Variants in ATP10A observed in about 807,000 individuals in gnomAD.
ATP10A encodes phospholipid-transporting ATPase VA.
ATP10A carries 111 observed loss-of-function variants against 147.8 expected under a neutral mutation model. The ratio of observed to expected loss-of-function variants is 0.75; its 90% CI spans 0.64 to 0.88. The LOEUF (loss-of-function observed/expected upper bound fraction) is 0.88, where lower values mean the gene tolerates loss of function less well. ATP10A is among the 40% of genes least tolerant of loss of function. The probability of loss-of-function intolerance (pLI) is 0.00; values close to 1 mark genes in which losing one functional copy is unlikely to be tolerated. For missense variants in ATP10A, 1,927 were observed against 1,959.0 expected (o/e 0.98, Z 0.31); for synonymous variants, 875 against 841.6 (o/e 1.04, Z -0.69).
rs78610962 is a variant in ATP10A at position 25,790,269 on chromosome 15, C to T, written c.450-9046G>A. ...TCTGATACCAAAATTGCCAAAAATA[C>T]AGTAGTGTAGACTAGATGCACAAAA... On this transcript the variant is annotated intron_variant, in intron 1 of 20. Coordinates refer to ENST00000555815, the MANE Select transcript of ATP10A (RefSeq NM_024490.4). Among the ~76,000 whole-genome samples, 1,382 of 152,254 alleles carry T rather than the reference C, an allele frequency of 9.1e-3. 21 individuals are homozygous for T. The highest frequency in any genetic ancestry group is 0.032 in the African/African-American group (1,317 of 41,556).
At chr15:25,695,661 C>T (rs1019822545) in intron 13 of ATP10A, among the ~76,000 whole-genome samples, 2 of 151,836 alleles carry the variant, frequency 1.3e-5, no homozygotes, top group Non-Finnish European at 2.9e-5. Context: ...CTAGGTTTCT[C>T]TAAGATCTTA....
At chr15:25,742,399 C>T (rs1887623906) in intron 2 of ATP10A, among the ~76,000 whole-genome samples, 1 of 152,202 alleles carries the variant, frequency 6.6e-6, no homozygotes, top group Non-Finnish European at 1.5e-5. Context: ...TCAAGTGGTC[C>T]TCCCTTAGTT....
chr15:25,779,322 T>C (rs1313521929), intron 2 of ATP10A, among the ~76,000 whole-genome samples: 1 of 152,242 alleles, frequency 6.6e-6, no homozygotes, highest in Non-Finnish European at 1.5e-5. Flanking sequence ...TAGATACTCA[T>C]CTGCATTTGT....
intron 17 of ATP10A, 110 bp from the exon 18 acceptor site, chr15:25,681,184 C>A: frequency 9.1e-7 from 1 of 1,097,580 alleles, no homozygotes; most frequent in Non-Finnish European, 1.3e-6. Context: ...ACAATAACAA[C>A]AAAAACCCAC....
chr15:25,795,753 C>T (rs1439811452), intron 1 of ATP10A, among the ~76,000 whole-genome samples: 1 of 152,134 alleles, frequency 6.6e-6, no homozygotes, highest in Non-Finnish European at 1.5e-5. Context: ...ATGTTTGTCC[C>T]CTCCAGACCT....
At chr15:25,851,969 A>G (rs189040893) in intron 1 of ATP10A, among the ~76,000 whole-genome samples, 2 of 152,316 alleles carry the variant, frequency 1.3e-5, no homozygotes, top group Admixed American at 1.3e-4. Context: ...CTTAATAGCA[A>G]TAATGACAGC....
chr15:25,687,512 C>T (rs1899758468), intron 16 of ATP10A, among the ~76,000 whole-genome samples, 191 bp downstream of exon 16: 1 of 151,810 alleles, frequency 6.6e-6, no homozygotes, highest in Non-Finnish European at 1.5e-5. Flanking sequence ...CTCTCATGCC[C>T]CTGAATTAGA....
intron 2 of ATP10A, among the ~76,000 whole-genome samples, chr15:25,768,420 C>T (rs1036453802): frequency 6.6e-6 from 1 of 152,174 alleles, no homozygotes; most frequent in African/African-American, 2.4e-5. Context: ...AAGCTCCTGG[C>T]TGGGCACCTG....
chr15:25,803,391 C>T (rs186669171), intron 1 of ATP10A, among the ~76,000 whole-genome samples: 16 of 152,378 alleles, frequency 1.1e-4, no homozygotes, highest in African/African-American at 3.6e-4. Flanking sequence ...GCCCATGTCA[C>T]ATGTCCCCTG....
chr15:25,801,634 C>A (rs142151515), intron 1 of ATP10A, among the ~76,000 whole-genome samples: 3 of 152,178 alleles, frequency 2.0e-5, no homozygotes, highest in Non-Finnish European at 2.9e-5. Flanking sequence ...TGGTTTAATC[C>A]GGTGTGGGAC....
chr15:25,779,966 G>A (rs1889825036), intron 2 of ATP10A, among the ~76,000 whole-genome samples: 1 of 152,152 alleles, frequency 6.6e-6, no homozygotes, highest in African/African-American at 2.4e-5. Context: ...CCGGGCGGGC[G>A]AGGTGCGGAG....
intron 16 of ATP10A, 126 bp downstream of exon 16, chr15:25,687,577 G>T: frequency 1.6e-6 from 1 of 610,276 alleles, no homozygotes; most frequent in Non-Finnish European, 2.1e-6. Flanking sequence ...TTACACAGGC[G>T]AAGGAGGATG....
At chr15:25,812,886 ATAAG>A (rs1234079288) in intron 1 of ATP10A, among the ~76,000 whole-genome samples, 1 of 152,238 alleles carries the variant, frequency 6.6e-6, no homozygotes, top group Non-Finnish European at 1.5e-5. Flanking sequence ...TCTGCATCAA[ATAAG>A]TAAGAAATGC....
At chr15:25,765,479 C>T (rs1171689442) in intron 2 of ATP10A, among the ~76,000 whole-genome samples, 1 of 152,178 alleles carries the variant, frequency 6.6e-6, no homozygotes, top group Non-Finnish European at 1.5e-5. Flanking sequence ...ACCCACATTC[C>T]AGAATTCTGC....
chr15:25,864,539 T>TA (rs773907241), upstream of ATP10A, among the ~76,000 whole-genome samples: 31 of 152,242 alleles, frequency 2.0e-4, no homozygotes, highest in Non-Finnish European at 3.8e-4. Context: ...ATGACATTCT[T>TA]ACATCTCTGC....
chr15:25,752,695 C>T (rs961211342), intron 2 of ATP10A, among the ~76,000 whole-genome samples: 6 of 152,122 alleles, frequency 3.9e-5, no homozygotes, highest in Non-Finnish European at 8.8e-5. Context: ...TTTATTTCTG[C>T]AAAAATTCAT....
At chr15:25,847,897 G>A (rs868556154) in intron 1 of ATP10A, among the ~76,000 whole-genome samples, 137 of 152,132 alleles carry the variant, frequency 9.0e-4, no homozygotes, top group African/African-American at 3.2e-3. Context: ...CTCCCAAAGT[G>A]CTGGGATTAC....
chr15:25,678,088 G>C (rs903771150), downstream of ATP10A: 3 of 151,664 alleles, frequency 2.0e-5, no homozygotes, highest in African/African-American at 7.3e-5. Context: ...CTGAGTCCAG[G>C]CACCCTCTCT....
intron 1 of ATP10A, among the ~76,000 whole-genome samples, chr15:25,798,282 C>T (rs988959389): frequency 4.6e-5 from 7 of 152,120 alleles, no homozygotes; most frequent in South Asian, 4.1e-4. Context: ...GTGCAGTGTG[C>T]GCTTCATGCT....
Sources: allele counts gnomAD v4.1 joint callset (sites outside exome capture counted in the v4.1 genomes callset), GRCh38; gene constraint gnomAD v4.1.1; transcripts MANE v1.5; gene names NCBI Gene and HGNC (gene_info 2026-07-23, HGNC 2026-07-21).